Variants in KCNIP4 observed in about 807,000 individuals in gnomAD.
KCNIP4 encodes the protein Kv channel-interacting protein 4.
Under a neutral mutation model 34.0 loss-of-function variants are expected in KCNIP4, and 12 were observed. The ratio of observed to expected loss-of-function variants is 0.35; its 90% CI spans 0.23 to 0.57. The LOEUF (loss-of-function observed/expected upper bound fraction) is 0.57. KCNIP4 is among the 20% of genes least tolerant of loss of function. The probability of loss-of-function intolerance (pLI) is 0.83; values close to 1 mark genes in which losing one functional copy is unlikely to be tolerated. For missense variants in KCNIP4, 238 were observed against 311.7 expected (o/e 0.76, Z 1.78); for synonymous variants, 124 against 102.2 (o/e 1.21, Z -1.29).
At chr4:20,880,629 T>A (rs2149522139) in intron 2 of KCNIP4, among the ~76,000 whole-genome samples, 1 of 152,316 alleles carries the variant, frequency 6.6e-6, no homozygotes, top group African/African-American at 2.4e-5. Context: ...CTTCTCTACG[T>A]GAATACAGAG....
At chr4:21,277,048 T>C (rs764053282) in intron 1 of KCNIP4, among the ~76,000 whole-genome samples, 1 of 152,178 alleles carries the variant, frequency 6.6e-6, no homozygotes, top group Non-Finnish European at 1.5e-5. Flanking sequence ...TCAGCCTTTT[T>C]ATTGAGAGGA....
rs936914357 is a variant in KCNIP4 at position 21,299,127 on chromosome 4, C to T, written c.62-416418G>A. ...TGGTGAAGATTAAATAAGATATAGCCATACTATACTATATTACATGAATAA... is the reference window on the plus strand; with the variant it reads ...TGGTGAAGATTAAATAAGATATAGCTATACTATACTATATTACATGAATAA... On this transcript the variant is annotated intron_variant, in intron 1 of 8. Coordinates refer to ENST00000382152, the MANE Select transcript of KCNIP4 (RefSeq NM_025221.6). 3.3e-5 allele frequency among the ~76,000 whole-genome samples: 5 copies of T among 152,130 alleles called. 1 individual carries two copies. Among genetic ancestry groups the T allele is most frequent in the South Asian group, 2.1e-4 (1 of 4,830 alleles).
chr4:21,505,974 G>A (rs1252986566), intron 1 of KCNIP4, among the ~76,000 whole-genome samples: 1 of 152,008 alleles, frequency 6.6e-6, no homozygotes, highest in Non-Finnish European at 1.5e-5. Flanking sequence ...GTGGTGGCAG[G>A]CACCTGTAAT....
chr4:21,334,494 A>T (rs1180744085), intron 1 of KCNIP4, among the ~76,000 whole-genome samples: 1 of 152,030 alleles, frequency 6.6e-6, no homozygotes, highest in African/African-American at 2.4e-5. Context: ...TTCCCTTACC[A>T]TTTTTTAAAA....
intron 1 of KCNIP4, among the ~76,000 whole-genome samples, chr4:21,807,181 G>A (rs905978505): frequency 5.3e-5 from 8 of 152,182 alleles, no homozygotes; most frequent in African/African-American, 1.7e-4. Context: ...AGAAGGTGGT[G>A]CTCAGGAGGT....
chr4:21,587,521 T>G (rs913151972), intron 1 of KCNIP4, among the ~76,000 whole-genome samples: 1 of 148,904 alleles, frequency 6.7e-6, no homozygotes, highest in Non-Finnish European at 1.5e-5. Flanking sequence ...GAGTTAGAGC[T>G]TGGGAAATGT....
chr4:21,289,788 C>T (rs1412295822), intron 1 of KCNIP4, among the ~76,000 whole-genome samples: 1 of 152,132 alleles, frequency 6.6e-6, no homozygotes, highest in Non-Finnish European at 1.5e-5. Context: ...ATGCAAGAAG[C>T]TGCTGCTAGG....
intron 1 of KCNIP4, among the ~76,000 whole-genome samples, chr4:21,658,085 G>A (rs1390485960): frequency 1.3e-5 from 2 of 151,960 alleles, no homozygotes; most frequent in African/African-American, 4.8e-5. Context: ...TGATCCTCCC[G>A]CCTTGGCCTC....
At chr4:20,887,944 A>G (rs928814304) in intron 1 of KCNIP4, among the ~76,000 whole-genome samples, 2 of 152,068 alleles carry the variant, frequency 1.3e-5, no homozygotes, top group African/African-American at 4.8e-5. Context: ...AATAACATGA[A>G]AGTTGGGGGA....
intron 1 of KCNIP4, among the ~76,000 whole-genome samples, chr4:21,087,042 C>T (rs777040949): frequency 8.1e-5 from 12 of 148,784 alleles, no homozygotes; most frequent in East Asian, 6.0e-4. Context: ...TGCAGTGGCA[C>T]GATCTCGGCT....
At chr4:21,641,213 G>A (rs1746590832) in intron 1 of KCNIP4, among the ~76,000 whole-genome samples, 1 of 152,180 alleles carries the variant, frequency 6.6e-6, no homozygotes, top group South Asian at 2.1e-4. Flanking sequence ...AATGCCCATG[G>A]TCCCCACTAT....
At chr4:21,597,647 T>C (rs1199153900) in intron 1 of KCNIP4, among the ~76,000 whole-genome samples, 7 of 152,140 alleles carry the variant, frequency 4.6e-5, no homozygotes, top group Non-Finnish European at 7.4e-5. Context: ...CCTTTTATTA[T>C]CTACAGCTCC....
At chr4:21,333,696 GA>G (rs147110707) in intron 1 of KCNIP4, among the ~76,000 whole-genome samples, 12 of 146,990 alleles carry the variant, frequency 8.2e-5, no homozygotes, top group South Asian at 2.1e-4. Context: ...AAATTAAAAA[GA>G]AAAAAAAAGT....
chr4:21,876,466 C>T (rs1354679900), intron 1 of KCNIP4, among the ~76,000 whole-genome samples: 7 of 151,876 alleles, frequency 4.6e-5, no homozygotes, highest in South Asian at 2.1e-4. Context: ...GGATTGTAAG[C>T]GGAGTACTAA....
chr4:21,281,527 A>G (rs188088980), intron 1 of KCNIP4, among the ~76,000 whole-genome samples: 1 of 152,334 alleles, frequency 6.6e-6, no homozygotes, highest in Non-Finnish European at 1.5e-5. Context: ...GATGGTAGAG[A>G]AACTTGAACT....
intron 5 of KCNIP4, among the ~76,000 whole-genome samples, chr4:20,747,318 G>T (rs1392118259): frequency 3.3e-5 from 5 of 152,054 alleles, no homozygotes; most frequent in African/African-American, 1.2e-4. Flanking sequence ...CTCATCCTCT[G>T]GAAGCCAGCT....
At chr4:20,979,194 T>C (rs1319619876) in intron 1 of KCNIP4, among the ~76,000 whole-genome samples, 2 of 152,118 alleles carry the variant, frequency 1.3e-5, no homozygotes, top group East Asian at 3.9e-4. Context: ...CAAACAAAGT[T>C]GCTCTGAAAT....
chr4:21,805,898 C>A (rs1315695745), intron 1 of KCNIP4, among the ~76,000 whole-genome samples: 1 of 152,184 alleles, frequency 6.6e-6, no homozygotes, highest in East Asian at 1.9e-4. Flanking sequence ...TTAAGCAACT[C>A]AGTAACTCAT....
intron 1 of KCNIP4, among the ~76,000 whole-genome samples, chr4:21,414,942 C>CT (rs142837276): frequency 6.6e-6 from 1 of 151,920 alleles, no homozygotes; most frequent in Non-Finnish European, 1.5e-5. Flanking sequence ...TTCATCATTT[C>CT]TTTTTTTTAT....
Sources: allele counts gnomAD v4.1 joint callset (sites outside exome capture counted in the v4.1 genomes callset), GRCh38; gene constraint gnomAD v4.1.1; transcripts MANE v1.5; gene names NCBI Gene and HGNC (gene_info 2026-07-23, HGNC 2026-07-21).